PRKX: variants seen among roughly 807,000 people sequenced by gnomAD.
PRKX encodes the protein protein kinase cAMP-dependent X-linked catalytic subunit, also known as cAMP-dependent protein kinase catalytic subunit PRKX.
In PRKX, 12 loss-of-function variants were observed where a neutral mutation model predicts 22.0. That is an observed-to-expected ratio of 0.54 (90% CI 0.35 to 0.88). PRKX has a LOEUF of 0.88. Ranked by LOEUF, PRKX falls within the 40% of genes least tolerant of loss-of-function variation. The pLI is 0.01. For synonymous variants in PRKX, 134 were observed against 137.7 expected (o/e 0.97, Z 0.19); for missense variants, 217 against 308.0 (o/e 0.70, Z 2.21).
chrX:3,690,516 G>T (rs1029333960), intron 1 of PRKX, among the ~76,000 whole-genome samples: 1 of 112,216 alleles, frequency 8.9e-6, no homozygotes, highest in Middle Eastern at 4.2e-3. Flanking sequence ...CGGATCACTT[G>T]AGCACAGGAG....
Position 3,608,926 on chromosome X carries a change from AG to A in PRKX, c.*42del, listed in dbSNP as rs1926238659. On this transcript the variant is annotated 3_prime_UTR_variant, in exon 9 of 9. Transcript: ENST00000262848. Reference sequence around the variant, plus strand: ...TTAGGTGCAGTTCTTTGTTCCAGGCAGATTCCAATCTTCCTGTTTCTAGCAT... The same window carrying A: ...TTAGGTGCAGTTCTTTGTTCCAGGCAATTCCAATCTTCCTGTTTCTAGCAT... The A allele has an allele frequency of 8.9e-6, 1 of 111,914 alleles. No homozygotes were observed. The highest frequency in any genetic ancestry group is 1.9e-5 in the Non-Finnish European group (1 of 53,215). 9.2% of individuals were successfully genotyped at this position (111,914 alleles called of 1,213,427 possible).
Position 3,674,627 on chromosome X carries a change from C to T in PRKX, c.306G>A (p.Lys102=). Residue 102 remains lysine, a synonymous_variant, in exon 2 of 9, where the codon AAG becomes AAA. Coordinates refer to ENST00000262848, the MANE Select transcript of PRKX (RefSeq NM_005044.5). ...TGATGAGGAACGGGTGGCTGACTTC[C>T]TTCAGGACAGACTTCTCATTGTGTA... ...QHVHNEKSVL[K]EVSHPFLIRL... 8.3e-7 allele frequency: 1 copy of T among 1,211,767 alleles called. No homozygotes were observed. The highest frequency in any genetic ancestry group is 1.1e-6 in the Non-Finnish European group (1 of 895,518).
intron 1 of PRKX, among the ~76,000 whole-genome samples, chrX:3,705,650 C>G (rs1438618593): frequency 9.1e-6 from 1 of 110,117 alleles, no homozygotes; most frequent in African/African-American, 3.4e-5. Flanking sequence ...GGAAGGGATG[C>G]CTTAGGGCTT....
chrX:3,653,951 A>T (rs377565546), intron 3 of PRKX, among the ~76,000 whole-genome samples: 7 of 70,298 alleles, frequency 1.0e-4, no homozygotes, highest in Non-Finnish European at 1.5e-4. Context: ...GATATATATA[A>T]TATATATTAT....
chrX:3,647,979 A>C (rs1927225750), intron 3 of PRKX, among the ~76,000 whole-genome samples: 1 of 111,404 alleles, frequency 9.0e-6, no homozygotes, highest in Non-Finnish European at 1.9e-5. Context: ...ACACGACATG[A>C]GACCTTTTTG....
intron 1 of PRKX, among the ~76,000 whole-genome samples, chrX:3,699,084 T>A (rs1928505060): frequency 9.4e-6 from 1 of 105,974 alleles, no homozygotes; most frequent in Non-Finnish European, 1.9e-5. Context: ...TCGCCCAGGC[T>A]GGAGTACAGC....
intron 7 of PRKX, among the ~76,000 whole-genome samples, chrX:3,614,685 A>G (rs1375459045): frequency 1.8e-5 from 2 of 111,439 alleles, no homozygotes; most frequent in African/African-American, 3.3e-5. Context: ...AATGTTAGAT[A>G]AAAGGAATAA....
At chrX:3,712,972 A>C in intron 1 of PRKX, 116 bp downstream of exon 1, 1 of 878,791 alleles carries the variant, frequency 1.1e-6, no homozygotes, top group Non-Finnish European at 1.5e-6. Context: ...TCCGAGCCGA[A>C]GTAGCGGGTC....
intron 1 of PRKX, among the ~76,000 whole-genome samples, chrX:3,689,932 G>C (rs745459963): frequency 1.5e-3 from 161 of 110,935 alleles, no homozygotes; most frequent in African/African-American, 3.8e-3. Context: ...AGCCGAGATG[G>C]CACCACTGCA....
At chrX:3,682,607 A>T (rs1256054586) in intron 1 of PRKX, among the ~76,000 whole-genome samples, 1 of 111,739 alleles carries the variant, frequency 8.9e-6, no homozygotes, top group Non-Finnish European at 1.9e-5. Flanking sequence ...TGAGTGGTGA[A>T]CTAATAAGGA....
At chrX:3,676,991 T>C (rs1927970327) in intron 1 of PRKX, among the ~76,000 whole-genome samples, 1 of 111,986 alleles carries the variant, frequency 8.9e-6, no homozygotes, top group Admixed American at 9.5e-5. Context: ...TAAACCTCTT[T>C]CCTTTATAAA....
intron 6 of PRKX, among the ~76,000 whole-genome samples, chrX:3,616,542 A>G (rs1310078909): frequency 9.0e-6 from 1 of 111,731 alleles, no homozygotes; most frequent in Admixed American, 9.6e-5. Flanking sequence ...TTATACTTGT[A>G]GTGATGTCGT....
chrX:3,636,020 G>C (rs12835226), intron 4 of PRKX, among the ~76,000 whole-genome samples: 1 of 112,424 alleles, frequency 8.9e-6, no homozygotes, highest in East Asian at 2.8e-4. Flanking sequence ...TTTTGTTCCA[G>C]AATGTGCCAC....
At chrX:3,689,839 T>C (rs866706854) in intron 1 of PRKX, among the ~76,000 whole-genome samples, 17 of 111,012 alleles carry the variant, frequency 1.5e-4, no homozygotes, top group Middle Eastern at 4.6e-3. Flanking sequence ...TAGCCGAGTG[T>C]GGTGGCGGAA....
At chrX:3,678,313 C>T (rs1244529670) in intron 1 of PRKX, among the ~76,000 whole-genome samples, 2 of 112,077 alleles carry the variant, frequency 1.8e-5, no homozygotes, top group African/African-American at 6.5e-5. Flanking sequence ...GACTTTTCTT[C>T]CTCTATCTGG....
intron 3 of PRKX, among the ~76,000 whole-genome samples, chrX:3,654,818 G>T (rs1236480233): frequency 3.6e-5 from 4 of 110,525 alleles, no homozygotes; most frequent in Non-Finnish European, 7.6e-5. Flanking sequence ...ATTCGATGCA[G>T]ATCTATTTTA....
At chrX:3,624,894 C>T (rs1405919108) in intron 5 of PRKX, among the ~76,000 whole-genome samples, 1 of 111,544 alleles carries the variant, frequency 9.0e-6, no homozygotes, top group Non-Finnish European at 1.9e-5. Context: ...TCCTGAAGTG[C>T]TGGGATTACA....
At position 3,713,170 on chromosome X, in the gene PRKX, G is replaced by C. The variant is rs781485987; in HGVS notation, c.84C>G (p.Pro28=). 2 of 1,126,234 alleles carry C rather than the reference G, an allele frequency of 1.8e-6. No individual in the cohort carries two copies. The highest frequency in any genetic ancestry group is 2.9e-5 in the Admixed American group (1 of 33,992). The allele number at this position is 1,126,234 out of a possible 1,213,427, so 92.8% of individuals were successfully genotyped here. The part of the protein sequence containing the change: ...KVAEETPDGA[P]ALCPSPEALS... ...GCGCCTCAGGGCTGGGGCAGAGCGCGGGCGCCCCGTCGGGGGTCTCCTCCG... is the reference window on the plus strand; with the variant it reads ...GCGCCTCAGGGCTGGGGCAGAGCGCCGGCGCCCCGTCGGGGGTCTCCTCCG... Residue 28 remains proline, a synonymous_variant, in exon 1 of 9, where the codon CCC becomes CCG. Coordinates refer to ENST00000262848, the MANE Select transcript of PRKX (RefSeq NM_005044.5).
At chrX:3,621,910 G>A (rs1926565992) in intron 5 of PRKX, among the ~76,000 whole-genome samples, 1 of 110,756 alleles carries the variant, frequency 9.0e-6, no homozygotes, top group African/African-American at 3.3e-5. Context: ...AGGCCGAGGC[G>A]GGTGGATCAC....
Sources: gnomAD v4.1 joint callset for allele counts (sites outside exome capture counted in the v4.1 genomes callset) on GRCh38, gnomAD v4.1.1 for gene constraint, MANE v1.5 for transcripts, NCBI Gene and HGNC (gene_info 2026-07-23, HGNC 2026-07-21) for gene names.